Variants in CHD3 observed in about 807,000 individuals in gnomAD.
CHD3 encodes ATP-dependent chromatin remodeler CHD3.
CHD3 carries 52 observed loss-of-function variants against 248.9 expected under a neutral mutation model. That is an observed-to-expected ratio of 0.21 (90% CI 0.17 to 0.26). The LOEUF (loss-of-function observed/expected upper bound fraction) is 0.26, where lower values mean the gene tolerates loss of function less well. Among genes scored for constraint, CHD3 ranks in the 10% least tolerant of loss-of-function variants. The pLI is 1.00. For synonymous variants in CHD3, 985 were observed against 985.2 expected, an observed-to-expected ratio of 1.00 and a Z score of 0.00; for missense variants, 1,482 against 2,605.8, an observed-to-expected ratio of 0.57 and a Z score of 9.39.
upstream of CHD3, among the ~76,000 whole-genome samples, chr17:7,886,972 A>G (rs968662923): frequency 6.6e-6 from 1 of 151,868 alleles, no homozygotes; most frequent in Admixed American, 6.6e-5. The surrounding 1 kb of genome is among the most constrained non-coding windows in gnomAD (Gnocchi z 4.2). Context: ...ACATTTTACA[A>G]CTGAAATGAA....
In CHD3 at chr17:7,909,012, G is replaced by C. The variant is rs1374735082; in HGVS notation, c.5395-131G>C. The stretch of plus-strand genomic sequence containing the variant: ...GGTCAGGGTTGCTGCTAGGTTCGCA[G>C]TCGGTTTGGAGCTGGGAGTGCCCTG... On this transcript the variant is annotated intron_variant, in intron 36 of 39. Coordinates refer to ENST00000330494, the MANE Select transcript of CHD3 (RefSeq NM_001005273.3). The surrounding 1 kb of genome is among the most constrained non-coding windows in gnomAD (Gnocchi z 8.1). 4.9e-5 allele frequency: 70 copies of C among 1,417,994 alleles called. No homozygotes were observed. The highest frequency in any genetic ancestry group is 6.5e-5 in the Non-Finnish European group (68 of 1,043,480). 87.8% of individuals were successfully genotyped at this position (1,417,994 alleles called of 1,614,324 possible).
upstream of CHD3, chr17:7,885,099 G>A (rs897402592): frequency 4.1e-6 from 4 of 980,890 alleles, no homozygotes; most frequent in Middle Eastern, 5.3e-4. Flanking sequence ...CGCCCGCCCC[G>A]ACTCCCCCCC....
Position 7,888,904 on chromosome 17 carries a change from C to T in CHD3, c.-97C>T. 2 of 1,572,686 alleles carry T rather than the reference C, an allele frequency of 1.3e-6. No individual in the cohort carries two copies. Among genetic ancestry groups the T allele is most frequent in the Non-Finnish European group, 1.7e-6 (2 of 1,159,872 alleles). Reference sequence around the variant, plus strand: ...ACAAAGGGTATGGCCCCCTAGTTCCCAAAGGGAGCAGGGAGATGGGAATAG... The same window carrying T: ...ACAAAGGGTATGGCCCCCTAGTTCCTAAAGGGAGCAGGGAGATGGGAATAG... On this transcript the variant is annotated 5_prime_UTR_variant, in exon 1 of 40. An upstream open reading frame in the 5' UTR gains an earlier in-frame stop. Transcript: ENST00000330494.
rs114797491 is a variant in CHD3 at position 7,890,881 on chromosome 17, G to T, written c.385-59G>T. 1.6e-3 allele frequency: 2,584 copies of T among 1,609,276 alleles called. 36 individuals are homozygous for T. The African/African-American group carries it at 0.029, about 18-fold the overall frequency. On this transcript the variant is annotated intron_variant, in intron 3 of 39. Coordinates refer to ENST00000330494, the MANE Select transcript of CHD3 (RefSeq NM_001005273.3). ...CTAGTGGGTAGGTAGACAGGCCTGT[G>T]TGCGGCCTGGAATAGGGGCTGGAGG...
Position 7,910,695 on chromosome 17 carries a change from C to G in CHD3, c.5754+104C>G, listed in dbSNP as rs186552300. ...CTATACAATATGGAAAAACAACTTG[C>G]TAGAACACAGTCATCACCCTTGAGT... On this transcript the variant is annotated intron_variant, in intron 38 of 39. Coordinates refer to ENST00000330494, the MANE Select transcript of CHD3 (RefSeq NM_001005273.3). The surrounding 1 kb of genome is among the most constrained non-coding windows in gnomAD (Gnocchi z 4.7). 147 of 1,515,328 alleles carry G rather than the reference C, an allele frequency of 9.7e-5. No homozygotes were observed. The African/African-American group carries it at 1.9e-3, about 19-fold the overall frequency. 93.9% of individuals were successfully genotyped at this position (1,515,328 alleles called of 1,614,324 possible).
rs1969353981 is a variant in CHD3 at position 7,894,386 on chromosome 17, C to T, written c.1076-29C>T. The T allele has an allele frequency of 2.5e-6, 4 of 1,596,602 alleles. No homozygotes were observed. In the South Asian group the frequency reaches 4.5e-5, roughly 18 times the overall value. The stretch of plus-strand genomic sequence containing the variant: ...CTCTCCATCTCCCCCTGCCCTGCTT[C>T]CTTATCCCTCCACCGGGGTATATGA... On this transcript the variant is annotated intron_variant, in intron 7 of 39. Coordinates refer to ENST00000330494, the MANE Select transcript of CHD3 (RefSeq NM_001005273.3).
rs764168193 is a variant in CHD3, at chr17:7,910,868, G to A, written c.5776G>A (p.Ala1926Thr). The change falls in exon 39 of 40, where the codon GCT becomes ACT. Residue 1926 changes from alanine (A) to threonine (T), a missense_variant. By Grantham distance (58) the Ala-to-Thr change is moderately conservative. Coordinates refer to ENST00000330494, the MANE Select transcript of CHD3 (RefSeq NM_001005273.3). The surrounding 1 kb of genome is among the most constrained non-coding windows in gnomAD (Gnocchi z 4.7). ...CCAGGCCTACCCGCCGGGTCCCTAC[G>A]CTACACCTCCGGGGTACGGGGCGGC... Reference protein sequence around the residue: ...PTPAYPPGPYATPPGYGAAFS... With the variant: ...PTPAYPPGPYTTPPGYGAAFS... The A allele has an allele frequency of 5.6e-6, 9 of 1,610,176 alleles. No individual in the cohort carries two copies. The highest frequency in any genetic ancestry group is 1.7e-4 in the Middle Eastern group (1 of 6,046).
intron 4 of CHD3, among the ~76,000 whole-genome samples, chr17:7,892,441 A>G (rs1969009205): frequency 6.8e-6 from 1 of 147,794 alleles, no homozygotes; most frequent in Admixed American, 6.7e-5. Context: ...ATTTTTGTTG[A>G]TTTTATTTTA....
chr17:7,892,317 C>T (rs1344082840), intron 4 of CHD3, among the ~76,000 whole-genome samples: 1 of 152,078 alleles, frequency 6.6e-6, no homozygotes, highest in Non-Finnish European at 1.5e-5. Flanking sequence ...ATGGAACTTA[C>T]TAGTAAAATG....
At chr17:7,888,676 A>T, upstream of CHD3, 1 of 402,388 alleles carries the variant, frequency 2.5e-6, no homozygotes, top group Non-Finnish European at 3.8e-6. Context: ...CTGCTGAAGC[A>T]GGTACAGGCC....
In CHD3 at chr17:7,902,956, C is replaced by T; in HGVS notation, c.3390C>T (p.Phe1130=). The T allele has an allele frequency of 3.7e-6, 6 of 1,614,164 alleles. No homozygotes were observed. The highest frequency in any genetic ancestry group is 3.3e-4 in the Middle Eastern group (2 of 6,062). The change falls in exon 22 of 40, where the codon TTC becomes TTT. Residue 1130 remains phenylalanine, a synonymous_variant. Coordinates refer to ENST00000330494, the MANE Select transcript of CHD3 (RefSeq NM_001005273.3). Reference sequence around the variant, plus strand: ...TCCTAGCTCCTGGGGCCCAACAATTCTGCTTCCTCCTGTCCACCCGAGCTG... The same window carrying T: ...TCCTAGCTCCTGGGGCCCAACAATTTTGCTTCCTCCTGTCCACCCGAGCTG... ...DRFNAPGAQQ[F]CFLLSTRAGG...
upstream of CHD3, among the ~76,000 whole-genome samples, chr17:7,885,843 G>C (rs955580012): frequency 6.6e-6 from 1 of 152,226 alleles, no homozygotes; most frequent in Non-Finnish European, 1.5e-5. Context: ...AGTCCACGCA[G>C]ACCACTTCCT....
chr17:7,908,943 G>T lies in CHD3; in HGVS notation c.5394+114G>T, dbSNP rs1598007274. The T allele has an allele frequency of 6.8e-7, 1 of 1,468,442 alleles. No individual in the cohort carries two copies. The highest frequency in any genetic ancestry group is 2.3e-5 in the East Asian group (1 of 44,042). The allele number at this position is 1,468,442 out of a possible 1,614,324, so 91.0% of individuals were successfully genotyped here. A position where few individuals can be genotyped will look rare whatever the true frequency, so the allele number is the denominator to read the frequency against. On this transcript the variant is annotated intron_variant, in intron 36 of 39. Transcript: ENST00000330494. This position sits in a 1 kb window ranked among gnomAD's most constrained non-coding sequence, Gnocchi z 5.8. Reference sequence around the variant, plus strand: ...ACCTTCAGGGCTGAGGTGATACCTGGGGCCAAGACCAAAGTGTAACCTTGT... The same window carrying T: ...ACCTTCAGGGCTGAGGTGATACCTGTGGCCAAGACCAAAGTGTAACCTTGT...
rs1236189192 is a variant in CHD3 at position 7,904,716 on chromosome 17, G to C, written c.4072+97G>C. ...ATTTAGAGGGAAAGAGAGAAGCCTA[G>C]AAGTCAGAGCCTTCCTCTGCTAAAA... On this transcript the variant is annotated intron_variant, in intron 25 of 39. Coordinates refer to ENST00000330494, the MANE Select transcript of CHD3 (RefSeq NM_001005273.3). This position sits in a 1 kb window ranked among gnomAD's most constrained non-coding sequence, Gnocchi z 4.4. 1.0e-5 allele frequency: 12 copies of C among 1,154,454 alleles called. No individual in the cohort carries two copies. Among genetic ancestry groups the C allele is most frequent in the Non-Finnish European group, 1.3e-5 (11 of 818,466 alleles). 71.5% of individuals were successfully genotyped at this position (1,154,454 alleles called of 1,614,324 possible).
rs1427857604 is a variant in CHD3 at position 7,911,666 on chromosome 17, C to T, written c.*81C>T. On this transcript the variant is annotated 3_prime_UTR_variant, in exon 40 of 40. Transcript: ENST00000330494. This position sits in a 1 kb window ranked among gnomAD's most constrained non-coding sequence, Gnocchi z 5.4. ...TCAAGCGCTGGGGCCTGCTGCCAGC[C>T]CTCCACCTTCCCCACCCCTTGGGCC... The T allele has an allele frequency of 1.2e-6, 2 of 1,603,080 alleles. No individual in the cohort carries two copies. The highest frequency in any genetic ancestry group is 1.7e-6 in the Non-Finnish European group (2 of 1,174,208).
rs372752099 is a variant in CHD3, at chr17:7,903,227, C to A, written c.3496-45C>A. 2.5e-6 allele frequency: 4 copies of A among 1,596,562 alleles called. No homozygotes were observed. In the African/African-American group the frequency reaches 4.0e-5, roughly 16 times the overall value. On this transcript the variant is annotated intron_variant, in intron 22 of 39. Coordinates refer to ENST00000330494, the MANE Select transcript of CHD3 (RefSeq NM_001005273.3). The surrounding 1 kb of genome is among the most constrained non-coding windows in gnomAD (Gnocchi z 6.8). Reference sequence around the variant, plus strand: ...GGCAGCTCTATGGGCAGCTTCTCCCCGGCCACTCCCCTGACCCACCCGCCA... The same window carrying A: ...GGCAGCTCTATGGGCAGCTTCTCCCAGGCCACTCCCCTGACCCACCCGCCA...
chr17:7,901,656 G>C (rs1426815702), intron 20 of CHD3, among the ~76,000 whole-genome samples: 1 of 151,820 alleles, frequency 6.6e-6, no homozygotes, highest in Admixed American at 6.6e-5. Context: ...GATTACAGGC[G>C]TGCACCACCA....
Position 7,903,698 on chromosome 17 carries a change from C to T in CHD3, c.3728-127C>T. 1 of 1,161,640 alleles carries T rather than the reference C, an allele frequency of 8.6e-7. No individual in the cohort carries two copies. Among genetic ancestry groups the T allele is most frequent in the Non-Finnish European group, 1.2e-6 (1 of 829,178 alleles). The allele number at this position is 1,161,640 out of a possible 1,614,324, so 72.0% of individuals were successfully genotyped here. Reference sequence around the variant, plus strand: ...TAAAACAAACAAAACAAAAACCTTTCAACATTGGCTCCCGGGGAAAAAGCC... The same window carrying T: ...TAAAACAAACAAAACAAAAACCTTTTAACATTGGCTCCCGGGGAAAAAGCC... On this transcript the variant is annotated intron_variant, in intron 23 of 39. Transcript: ENST00000330494. The surrounding 1 kb of genome is among the most constrained non-coding windows in gnomAD (Gnocchi z 6.8).
Position 7,911,473 on chromosome 17 carries a change from A to G in CHD3, c.5891A>G (p.Asn1964Ser), listed in dbSNP as rs1971656938. ...PAGSFITAAT[N>S]GPPVLVKKEK... ...CCCCTTTCCCAAACAGCCGCCACCA[A>G]CGGCCCTCCAGTGCTTGTGAAGAAG... Residue 1964 changes from asparagine (N) to serine (S), a missense_variant, in exon 40 of 40, where the codon AAC (asparagine) becomes AGC (serine). Asn to Ser is a conservative substitution (Grantham distance 46, BLOSUM62 1). Transcript: ENST00000330494. The surrounding 1 kb of genome is among the most constrained non-coding windows in gnomAD (Gnocchi z 5.4). The G allele has an allele frequency of 5.0e-6, 8 of 1,614,100 alleles. No homozygotes were observed. The highest frequency in any genetic ancestry group is 2.2e-5 in the East Asian group (1 of 44,862).
Sources: gnomAD v4.1 joint callset for allele counts (sites outside exome capture counted in the v4.1 genomes callset) on GRCh38, gnomAD v4.1.1 for gene constraint, Gnocchi (gnomAD v3.1) non-coding constraint, MANE v1.5 for transcripts, NCBI Gene and HGNC (gene_info 2026-07-23, HGNC 2026-07-21) for gene names.